ACACA: variants seen among roughly 807,000 people sequenced by gnomAD.
The protein encoded by ACACA is acetyl-CoA carboxylase alpha, also known as acetyl-CoA carboxylase 1.
Under a neutral mutation model 296.1 loss-of-function variants are expected in ACACA, and 103 were observed. The ratio of observed to expected loss-of-function variants is 0.35; its 90% confidence interval spans 0.30 to 0.41. The LOEUF is 0.41. ACACA is among the 10% of genes least tolerant of loss of function. The probability of loss-of-function intolerance (pLI) is 1.00; values close to 1 mark genes in which losing one functional copy is unlikely to be tolerated. For missense variants in ACACA, 1,554 were observed against 2,989.7 expected, an observed-to-expected ratio of 0.52 and a Z score of 11.20; for synonymous variants, 953 against 1,038.6, an observed-to-expected ratio of 0.92 and a Z score of 1.58.
chr17:37,321,042 C>T (rs1356646988), intron 3 of ACACA, among the ~76,000 whole-genome samples: 1 of 151,980 alleles, frequency 6.6e-6, no homozygotes, highest in Admixed American at 6.6e-5. Context: ...CCACATAAAG[C>T]ACAGCAGAGT....
At chr17:37,225,216 T>C (rs2079488360) in intron 26 of ACACA, 111 bp from the exon 27 acceptor site, 1 of 721,626 alleles carries the variant, frequency 1.4e-6, no homozygotes, top group Non-Finnish European at 2.5e-6. Flanking sequence ...AGTGCAGGCA[T>C]CACAGATAAA....
Position 37,339,864 on chromosome 17 carries a change from GA to G in ACACA, c.39-15del. 4 of 1,255,376 alleles carry G rather than the reference GA, an allele frequency of 3.2e-6. No homozygotes were observed. The highest frequency in any genetic ancestry group is 4.6e-6 in the Non-Finnish European group (4 of 874,708). 77.8% of individuals were successfully genotyped at this position (1,255,376 alleles called of 1,614,324 possible). ...TTCCAAAAAGACCTAGAGAGAAAGA[GA>G]AAGATTTTAAGGTTTTTTTTTTTAA... On this transcript the variant is annotated splice_polypyrimidine_tract_variant and intron_variant, in intron 1 of 55. Coordinates refer to ENST00000616317, the MANE Select transcript of ACACA (RefSeq NM_198834.3).
chr17:37,107,650 G>A (rs2073765697), intron 52 of ACACA, among the ~76,000 whole-genome samples: 1 of 152,236 alleles, frequency 6.6e-6, no homozygotes, highest in East Asian at 1.9e-4. Flanking sequence ...GCAGTGCGGT[G>A]CTGCATGGCA....
At chr17:37,391,998 C>A (rs1258859433) in intron 1 of ACACA, 2 of 459,706 alleles carry the variant, frequency 4.4e-6, no homozygotes, top group Admixed American at 3.4e-5. Context: ...CCTGCAAGCA[C>A]TATGAATGGA....
At chr17:37,167,447 T>A (rs1468364318) in intron 41 of ACACA, among the ~76,000 whole-genome samples, 1 of 150,952 alleles carries the variant, frequency 6.6e-6, no homozygotes, top group East Asian at 2.0e-4. Context: ...GCCTCCCAAG[T>A]AACTAGGATT....
rs1208253788 is a variant in ACACA at position 37,406,600 on chromosome 17, G to A, written c.-301C>T. 1.8e-5 allele frequency: 10 copies of A among 559,338 alleles called. No homozygotes were observed. In the Admixed American group the frequency reaches 2.2e-4, roughly 12 times the overall value. 34.6% of individuals were successfully genotyped at this position (559,338 alleles called of 1,614,324 possible). On this transcript the variant is annotated 5_prime_UTR_variant, in exon 1 of 56. Transcript: ENST00000616317. ...GGCTCGGCCCGCCTCACCGCACTCC[G>A]GAGGGGACCAAACAGCCCCACGCGC...
At position 37,110,909 on chromosome 17, in the gene ACACA, CA is replaced by C. The variant is rs1174066946; in HGVS notation, c.6565+621del. Among the ~76,000 whole-genome samples, 4 of 152,162 alleles carry C rather than the reference CA, an allele frequency of 2.6e-5. No individual in the cohort carries two copies. In the East Asian group the frequency reaches 7.7e-4, roughly 29 times the overall value. ...CTGAAACTCATTTAGACTCTGGACT[CA>C]ACACAGGACTCCCATGGTTTAGTCC... is the stretch of plus-strand genomic sequence containing the variant. On this transcript the variant is annotated intron_variant, in intron 52 of 55. Transcript: ENST00000616317.
intron 1 of ACACA, among the ~76,000 whole-genome samples, chr17:37,342,458 T>TATATATATACAC (rs1369014067): frequency 2.0e-5 from 2 of 98,378 alleles, no homozygotes; most frequent in African/African-American, 9.6e-5. Context: ...TATATATATA[T>TATATATATACAC]ACACACACAC....
At chr17:37,191,310 T>A (rs1226890667) in intron 37 of ACACA, 35 bp from the exon 38 acceptor site, 1 of 1,597,020 alleles carries the variant, frequency 6.3e-7, no homozygotes, top group Non-Finnish European at 8.6e-7. Context: ...ATTAATGTAG[T>A]TTAAAAGAGG....
chr17:37,393,269 C>T (rs1435522740), intron 1 of ACACA, among the ~76,000 whole-genome samples: 2 of 152,062 alleles, frequency 1.3e-5, no homozygotes, highest in South Asian at 2.1e-4. Flanking sequence ...TTGCATCCTG[C>T]CACTGATCCA....
chr17:37,315,247 C>T (rs981904786), intron 3 of ACACA, among the ~76,000 whole-genome samples: 30 of 152,278 alleles, frequency 2.0e-4, no homozygotes, highest in African/African-American at 7.2e-4. Flanking sequence ...CGTGAGCCAC[C>T]GTACCCAGCT....
chr17:37,271,430 G>A lies in ACACA; in HGVS notation c.1009-569C>T, dbSNP rs544222487. ...CTTGGGAGGCTGAGGCAGGAGAATCGCTTGAACCTGGGAGGTGGAGGTTGC... is the reference window on the plus strand; with the variant it reads ...CTTGGGAGGCTGAGGCAGGAGAATCACTTGAACCTGGGAGGTGGAGGTTGC... On this transcript the variant is annotated intron_variant, in intron 9 of 55. Coordinates refer to ENST00000616317, the MANE Select transcript of ACACA (RefSeq NM_198834.3). 5.3e-5 allele frequency among the ~76,000 whole-genome samples: 8 copies of A among 152,044 alleles called. No homozygotes were observed. The South Asian group carries it at 1.0e-3, about 20-fold the overall frequency.
intron 3 of ACACA, among the ~76,000 whole-genome samples, chr17:37,285,212 A>C (rs1042930855): frequency 6.6e-6 from 1 of 152,242 alleles, no homozygotes; most frequent in African/African-American, 2.4e-5. Flanking sequence ...TGCCATCACA[A>C]AGAGATAGGC....
intron 1 of ACACA, among the ~76,000 whole-genome samples, chr17:37,382,772 A>G (rs1042068734): frequency 7.2e-5 from 11 of 152,204 alleles, no homozygotes; most frequent in Admixed American, 2.0e-4. Context: ...AGACAGAAGA[A>G]TAGCTTGAAC....
chr17:37,178,243 A>G (rs2077192163), intron 41 of ACACA, among the ~76,000 whole-genome samples: 1 of 152,328 alleles, frequency 6.6e-6, no homozygotes, highest in South Asian at 2.1e-4. Context: ...ATAGGACTTT[A>G]TATCACTATT....
intron 1 of ACACA, among the ~76,000 whole-genome samples, chr17:37,355,798 C>T (rs1264876271): frequency 6.6e-6 from 1 of 151,994 alleles, no homozygotes; most frequent in Non-Finnish European, 1.5e-5. Context: ...GCGGAGGTTG[C>T]GGTGAACCGA....
intron 24 of ACACA, among the ~76,000 whole-genome samples, chr17:37,238,153 T>G (rs1342076931): frequency 6.6e-6 from 1 of 152,218 alleles, no homozygotes; most frequent in African/African-American, 2.4e-5. Context: ...AACAAAATCT[T>G]CCTATCCTGA....
At chr17:37,286,659 G>C (rs994311881) in intron 3 of ACACA, among the ~76,000 whole-genome samples, 2 of 152,264 alleles carry the variant, frequency 1.3e-5, no homozygotes, top group Admixed American at 6.5e-5. Flanking sequence ...AAAAGCCATA[G>C]AGGTACCAGC....
chr17:37,111,477 A>C, intron 52 of ACACA, 54 bp downstream of exon 52: 2 of 1,366,522 alleles, frequency 1.5e-6, no homozygotes, highest in East Asian at 4.6e-5. Flanking sequence ...GAATGCACTC[A>C]TTACAAATCA....
Sources: gnomAD v4.1 joint callset for allele counts (sites outside exome capture counted in the v4.1 genomes callset) on GRCh38, gnomAD v4.1.1 for gene constraint, MANE v1.5 for transcripts, NCBI Gene and HGNC (gene_info 2026-07-23, HGNC 2026-07-21) for gene names.